OR7E24: variants seen among roughly 807,000 people sequenced by gnomAD.
OR7E24 encodes olfactory receptor family 7 subfamily E member 24.
For synonymous variants in OR7E24, 130 were observed against 157.5 expected (o/e 0.83, Z 1.31); for missense variants, 385 against 410.3 (o/e 0.94, Z 0.53).
the OR7E24 span, among the ~76,000 whole-genome samples, chr19:9,221,340 C>CCTT: frequency 1.0e-3 from 85 of 81,204 alleles, no homozygotes; most frequent in Admixed American, 1.5e-3. Flanking sequence ...GTCTTTTGCC[C>CCTT]TTTTTTTTTT....
At chr19:9,220,824 A>G in the OR7E24 span, among the ~76,000 whole-genome samples, 2 of 152,146 alleles carry the variant, frequency 1.3e-5, no homozygotes, top group Admixed American at 6.5e-5. Context: ...TTACATTCCT[A>G]CCAACAGTGT....
chr19:9,210,443 C>A, the OR7E24 span: 1 of 151,954 alleles, frequency 6.6e-6, no homozygotes, highest in Non-Finnish European at 1.5e-5. Context: ...TCCATCTCTA[C>A]AAAAAAATAA....
chr19:9,242,678 C>A (rs1317400896), upstream of OR7E24, among the ~76,000 whole-genome samples: 2 of 152,208 alleles, frequency 1.3e-5, no homozygotes, highest in African/African-American at 2.4e-5. Context: ...TCCTTTATTT[C>A]ATAAGAACAG....
the OR7E24 span, chr19:9,214,101 C>A: frequency 6.2e-7 from 1 of 1,614,054 alleles, no homozygotes; most frequent in African/African-American, 1.3e-5. Context: ...GGAGACCACA[C>A]AGAGGTGAGA....
upstream of OR7E24, among the ~76,000 whole-genome samples, chr19:9,246,466 T>TTGTGTGTGTGTGTGTGTGTG (rs34518365): frequency 1.5e-5 from 2 of 130,986 alleles, no homozygotes; most frequent in Non-Finnish European, 3.2e-5. Context: ...CTTAAAGGTA[T>TTGTGTGTGTGTGTGTGTGTG]TGTGTGTGTG....
At chr19:9,245,469 C>T (rs1170545038), upstream of OR7E24, among the ~76,000 whole-genome samples, 2 of 152,020 alleles carry the variant, frequency 1.3e-5, no homozygotes, top group African/African-American at 4.8e-5. Context: ...TAAAATGGTG[C>T]AGCAGTATGA....
At chr19:9,231,596 A>T in the OR7E24 span, among the ~76,000 whole-genome samples, 1 of 152,176 alleles carries the variant, frequency 6.6e-6, no homozygotes, top group Non-Finnish European at 1.5e-5. Context: ...AAAAGCAACA[A>T]CAACAAAAAT....
At chr19:9,220,801 T>C in the OR7E24 span, among the ~76,000 whole-genome samples, 3 of 152,220 alleles carry the variant, frequency 2.0e-5, no homozygotes, top group Non-Finnish European at 2.9e-5. Context: ...TTTTCCATAA[T>C]GGTTGTACTA....
chr19:9,232,754 C>T, the OR7E24 span, among the ~76,000 whole-genome samples: 12 of 152,156 alleles, frequency 7.9e-5, no homozygotes, highest in Admixed American at 5.2e-4. Context: ...GCTGTTAAAC[C>T]CAATCCTTGT....
chr19:9,235,897 T>C, the OR7E24 span: 3 of 1,606,168 alleles, frequency 1.9e-6, no homozygotes, highest in East Asian at 6.7e-5. Flanking sequence ...CTCCTTGTTC[T>C]ATGGAACAGG....
At position 9,252,314 on chromosome 19, in the gene OR7E24, C is replaced by A; in HGVS notation, c.*251C>A. On this transcript the variant is annotated 3_prime_UTR_variant, in exon 1 of 1. Coordinates refer to ENST00000456448, the MANE Select transcript of OR7E24 (RefSeq NM_001079935.2). The stretch of plus-strand genomic sequence containing the variant: ...TGACCTTGATATCCAGGTGCAATCA[C>A]AATCTTTTCTGATAGACTTGAAATC... The A allele has an allele frequency of 3.6e-6, 1 of 276,268 alleles. No individual in the cohort carries two copies. The highest frequency in any genetic ancestry group is 6.6e-5 in the East Asian group (1 of 15,084). 17.1% of individuals were successfully genotyped at this position (276,268 alleles called of 1,614,324 possible). A position where few individuals can be genotyped will look rare whatever the true frequency, so the allele number is the denominator to read the frequency against.
At chr19:9,227,749 C>CTTTTT in the OR7E24 span, among the ~76,000 whole-genome samples, 40 of 107,898 alleles carry the variant, frequency 3.7e-4, no homozygotes, top group African/African-American at 9.5e-4. Flanking sequence ...AATGGTATTT[C>CTTTTT]TTTTTTTTTT....
chr19:9,236,973 T>C, the OR7E24 span, among the ~76,000 whole-genome samples: 1,335 of 152,274 alleles, frequency 8.8e-3, 18 homozygotes, highest in African/African-American at 0.03. Context: ...ATTCACTCTA[T>C]TTCTCAGAGG....
At chr19:9,231,120 A>G in the OR7E24 span, among the ~76,000 whole-genome samples, 5 of 151,966 alleles carry the variant, frequency 3.3e-5, no homozygotes, top group African/African-American at 1.2e-4. Flanking sequence ...GGGTTTCACC[A>G]TCTTGGCCAG....
upstream of OR7E24, among the ~76,000 whole-genome samples, chr19:9,246,465 A>ATT (rs1555720676): frequency 2.1e-4 from 21 of 97,814 alleles, no homozygotes; most frequent in Non-Finnish European, 2.8e-4. Context: ...CCTTAAAGGT[A>ATT]TTGTGTGTGT....
the OR7E24 span, among the ~76,000 whole-genome samples, chr19:9,226,607 A>G: frequency 6.6e-6 from 1 of 152,246 alleles, no homozygotes; most frequent in African/African-American, 2.4e-5. Context: ...AAATTGTGAG[A>G]GCTAAAAACA....
the OR7E24 span, among the ~76,000 whole-genome samples, chr19:9,222,338 A>T: frequency 6.6e-6 from 1 of 152,164 alleles, no homozygotes; most frequent in Non-Finnish European, 1.5e-5. Flanking sequence ...TCTGTGAAAA[A>T]TGTTTTTACA....
At position 9,251,269 on chromosome 19, in the gene OR7E24, C is replaced by T; in HGVS notation, c.226C>T (p.Pro76Ser). 2 of 1,614,058 alleles carry T rather than the reference C, an allele frequency of 1.2e-6. No homozygotes were observed. Among genetic ancestry groups the T allele is most frequent in the Non-Finnish European group, 1.7e-6 (2 of 1,179,982 alleles). Reference sequence around the variant, plus strand: ...CAGCTCTGACTCCCACCTCCACACCCCCATGTACTTCTTCCTCTCCAACCT... The same window carrying T: ...CAGCTCTGACTCCCACCTCCACACCTCCATGTACTTCTTCCTCTCCAACCT... ...AVSSDSHLHT[P>S]MYFFLSNLSL... The change falls in exon 1 of 1, where the codon CCC (proline) becomes TCC (serine). Residue 76 changes from proline to serine, a missense_variant. Transcript: ENST00000456448.
the OR7E24 span, among the ~76,000 whole-genome samples, chr19:9,218,035 C>T: frequency 6.6e-6 from 1 of 152,170 alleles, no homozygotes; most frequent in Admixed American, 6.5e-5. Context: ...ATTCTTCCTC[C>T]TTGTCCCTTT....
Sources: gnomAD v4.1 joint callset for allele counts (sites outside exome capture counted in the v4.1 genomes callset) on GRCh38, gnomAD v4.1.1 for gene constraint, MANE v1.5 for transcripts, NCBI Gene and HGNC (gene_info 2026-07-23, HGNC 2026-07-21) for gene names.